CCDC93: variants seen among roughly 807,000 people sequenced by gnomAD.
CCDC93 encodes the protein CCC complex scaffolding subunit CCDC93, also known as coiled-coil domain-containing protein 93.
In CCDC93, 61 loss-of-function variants were observed where a neutral mutation model predicts 108.2. The observed-to-expected ratio is 0.56, with a 90% CI of 0.46 to 0.70. CCDC93 has a LOEUF of 0.70. Among genes scored for constraint, CCDC93 ranks in the 30% least tolerant of loss-of-function variants. The probability of loss-of-function intolerance (pLI) is 0.00; values close to 1 mark genes in which losing one functional copy is unlikely to be tolerated. For synonymous variants in CCDC93, 276 were observed against 260.4 expected, an observed-to-expected ratio of 1.06 and a Z score of -0.58; for missense variants, 685 against 764.2, an observed-to-expected ratio of 0.90 and a Z score of 1.22.
chr2:117,922,570 G>A (rs143845954), intron 23 of CCDC93, among the ~76,000 whole-genome samples: 8 of 152,270 alleles, frequency 5.3e-5, no homozygotes, highest in Admixed American at 1.3e-4. Context: ...CCCATTTAAC[G>A]TGGGGTAAAT....
At chr2:117,992,170 T>C (rs1186725856) in intron 6 of CCDC93, among the ~76,000 whole-genome samples, 1 of 152,202 alleles carries the variant, frequency 6.6e-6, no homozygotes. Flanking sequence ...GAGGATTAAG[T>C]TCACTCATAA....
chr2:118,013,926 G>C, intron 1 of CCDC93, 28 bp downstream of exon 1: 1 of 1,544,810 alleles, frequency 6.5e-7, no homozygotes, highest in Non-Finnish European at 8.8e-7. Context: ...GAACCCCGAC[G>C]TGTCAGGGAA....
rs780250232 is a variant in CCDC93 at position 117,941,263 on chromosome 2, C to T, written c.1448G>A (p.Arg483His). Reference protein sequence around the residue: ...RRNREIAILHRKIDEVPSRAE... With the variant: ...RRNREIAILHHKIDEVPSRAE... ...ACGGCTAGGGACTTCATCAATCTTGCGGTGCAAAATTGCTATTTCTCGATT... is the reference window on the plus strand; with the variant it reads ...ACGGCTAGGGACTTCATCAATCTTGTGGTGCAAAATTGCTATTTCTCGATT... Residue 483 changes from arginine (R) to histidine (H), a missense_variant, in exon 19 of 24, where the codon CGC becomes CAC. By Grantham distance (29) the Arg-to-His change is conservative (BLOSUM62 0). Coordinates refer to ENST00000376300, the MANE Select transcript of CCDC93 (RefSeq NM_019044.5). 23 of 1,613,668 alleles carry T rather than the reference C, an allele frequency of 1.4e-5. No individual in the cohort carries two copies. Among genetic ancestry groups the T allele is most frequent in the Middle Eastern group, 3.3e-4 (2 of 6,084 alleles).
At chr2:117,939,887 T>A (rs1174130387) in intron 19 of CCDC93, among the ~76,000 whole-genome samples, 3 of 152,186 alleles carry the variant, frequency 2.0e-5, no homozygotes, top group Non-Finnish European at 4.4e-5. Flanking sequence ...CAGGCCAAGA[T>A]GCAGATGTGC....
At position 118,014,068 on chromosome 2, in the gene CCDC93, G is replaced by T. The variant is rs765486267; in HGVS notation, c.-73C>A. 12 of 1,559,232 alleles carry T rather than the reference G, an allele frequency of 7.7e-6. 1 individual carries two copies. The South Asian group carries it at 1.2e-4, about 15-fold the overall frequency. ...CGGAGGAAGCTGTCCCTGCCGCGGA[G>T]CTGCTACCGGGGTGGAGTACAAAGC... On this transcript the variant is annotated 5_prime_UTR_variant, in exon 1 of 24. Transcript: ENST00000376300.
At chr2:117,971,484 G>A (rs1573500672) in intron 11 of CCDC93, among the ~76,000 whole-genome samples, 1 of 152,128 alleles carries the variant, frequency 6.6e-6, no homozygotes, top group Admixed American at 6.6e-5. Flanking sequence ...AAAGAATGAA[G>A]ACTACAGTAA....
chr2:118,005,640 C>T (rs1468479590), intron 3 of CCDC93, among the ~76,000 whole-genome samples: 1 of 151,434 alleles, frequency 6.6e-6, no homozygotes, highest in Non-Finnish European at 1.5e-5. Flanking sequence ...GCCTGTGGCT[C>T]TAGCTACACA....
In CCDC93 at chr2:117,948,107, G is replaced by C; in HGVS notation, c.1222C>G (p.Arg408Gly). Residue 408 changes from arginine to glycine, a missense_variant and splice_region_variant, in exon 15 of 24, where the codon CGA (arginine) becomes GGA (glycine). Arg to Gly is a moderately radical substitution (Grantham distance 125, BLOSUM62 -2). Transcript: ENST00000376300. ...SQEQEFKAHC[R>G]EEMTRLQQEI... The stretch of plus-strand genomic sequence containing the variant: ...TGCTGACACCAAACAACACTTACTC[G>C]ACAATGTGCTTTAAATTCCTGTTCT... 6.2e-7 allele frequency: 1 copy of C among 1,610,438 alleles called. No individual in the cohort carries two copies. The highest frequency in any genetic ancestry group is 1.1e-5 in the South Asian group (1 of 90,976).
chr2:117,966,093 C>T (rs1679560382), intron 11 of CCDC93, among the ~76,000 whole-genome samples: 1 of 152,168 alleles, frequency 6.6e-6, no homozygotes, highest in Non-Finnish European at 1.5e-5. Flanking sequence ...GAATAAATTT[C>T]CTGAGGGCCT....
At chr2:117,934,630 G>A (rs1327479854) in intron 22 of CCDC93, 1 of 153,406 alleles carries the variant, frequency 6.5e-6, no homozygotes, top group African/African-American at 2.4e-5. Context: ...TGAGATTACA[G>A]GCAACTTGAA....
At chr2:117,945,379 G>GT (rs1226493974) in intron 17 of CCDC93, 150 bp downstream of exon 17, 2 of 641,556 alleles carry the variant, frequency 3.1e-6, no homozygotes, top group African/African-American at 3.6e-5. Flanking sequence ...AGGCCTAGCT[G>GT]TATCAAACAG....
intron 7 of CCDC93, among the ~76,000 whole-genome samples, chr2:117,982,746 A>T (rs1022034919): frequency 1.0e-4 from 4 of 39,620 alleles, no homozygotes; most frequent in Non-Finnish European, 2.3e-4. Context: ...CTGTGATGCC[A>T]TAGTGTAGTG....
At chr2:117,923,756 CCTGT>C (rs1304790837) in intron 23 of CCDC93, among the ~76,000 whole-genome samples, 2 of 152,134 alleles carry the variant, frequency 1.3e-5, no homozygotes, top group African/African-American at 4.8e-5. Context: ...CTTAAAAGTC[CCTGT>C]CTGACAGCTT....
At chr2:117,956,408 C>T (rs547960056) in intron 12 of CCDC93, among the ~76,000 whole-genome samples, 1 of 152,302 alleles carries the variant, frequency 6.6e-6, no homozygotes, top group South Asian at 2.1e-4. Flanking sequence ...TGTGTTGAGG[C>T]TTAGTATTGC....
At chr2:117,939,169 G>A in intron 19 of CCDC93, 58 bp from the exon 20 acceptor site, 1 of 1,027,390 alleles carries the variant, frequency 9.7e-7, no homozygotes, top group Admixed American at 1.9e-5. Flanking sequence ...CACCCTACCT[G>A]CCCCTCTCCT....
intron 13 of CCDC93, chr2:117,950,638 C>T (rs1679021903): frequency 6.1e-6 from 6 of 985,280 alleles, no homozygotes; most frequent in Admixed American, 1.2e-4. Flanking sequence ...GGGTTCAGAG[C>T]GCTCATTCTG....
intron 14 of CCDC93, 132 bp downstream of exon 14, chr2:117,949,190 A>C: frequency 1.5e-6 from 1 of 648,472 alleles, no homozygotes. Context: ...GAACAGTAAA[A>C]TGATCTGACC....
At chr2:117,969,011 C>T (rs575080362) in intron 11 of CCDC93, among the ~76,000 whole-genome samples, 1 of 152,314 alleles carries the variant, frequency 6.6e-6, no homozygotes, top group African/African-American at 2.4e-5. Flanking sequence ...TCTACAATGG[C>T]CCCATGATTC....
At chr2:117,930,662 T>G (rs1231694714) in intron 23 of CCDC93, 1 of 159,978 alleles carries the variant, frequency 6.3e-6, no homozygotes, top group Non-Finnish European at 1.4e-5. Context: ...CCACACAGCT[T>G]CTTGAGGTCC....
Sources: gnomAD v4.1 joint callset for allele counts (sites outside exome capture counted in the v4.1 genomes callset) on GRCh38, gnomAD v4.1.1 for gene constraint, MANE v1.5 for transcripts, NCBI Gene and HGNC (gene_info 2026-07-23, HGNC 2026-07-21) for gene names.